The following DEUP1 variants were observed in gnomAD, a reference collection of about 807,000 sequenced individuals.
DEUP1 encodes coiled-coil domain containing 67.
Under a neutral mutation model 87.4 loss-of-function variants are expected in DEUP1, and 82 were observed. The observed-to-expected ratio is 0.94, with a 90% CI of 0.78 to 1.13. DEUP1 has a LOEUF of 1.13. Among genes scored for constraint, DEUP1 ranks in the 50% most tolerant of loss-of-function variants. The pLI is 0.00. For synonymous variants in DEUP1, 214 were observed against 222.7 expected, an observed-to-expected ratio of 0.96 and a Z score of 0.35; for missense variants, 663 against 681.5, an observed-to-expected ratio of 0.97 and a Z score of 0.30.
chr11:93,334,039 T>C lies in DEUP1; in HGVS notation c.29+1751T>C, dbSNP rs372209155. On this transcript the variant is annotated intron_variant, in intron 2 of 13. Transcript: ENST00000298050. ...GAACTTAGAATTTAGTAAGGAACAG[T>C]AGAACTTGTTTGGGTATGGTGTAAT... is the stretch of plus-strand genomic sequence containing the variant. 1.1e-3 allele frequency among the ~76,000 whole-genome samples: 160 copies of C among 152,298 alleles called. 1 individual carries two copies. Among genetic ancestry groups the C allele is most frequent in the Admixed American group, 2.8e-3 (43 of 15,296 alleles).
chr11:93,379,601 A>G (rs1209366768), intron 7 of DEUP1, among the ~76,000 whole-genome samples: 1 of 152,172 alleles, frequency 6.6e-6, no homozygotes, highest in Non-Finnish European at 1.5e-5. Flanking sequence ...GCAGGAAGTA[A>G]GAAGAATCAA....
At chr11:93,405,942 CAT>C (rs1286791271) in intron 11 of DEUP1, among the ~76,000 whole-genome samples, 6 of 151,906 alleles carry the variant, frequency 3.9e-5, no homozygotes, top group African/African-American at 1.4e-4. Flanking sequence ...GTTTTGAAAA[CAT>C]AGAACTATTG....
intron 4 of DEUP1, among the ~76,000 whole-genome samples, chr11:93,362,845 C>T (rs968573552): frequency 6.6e-6 from 1 of 151,748 alleles, no homozygotes; most frequent in Admixed American, 6.6e-5. Context: ...TGTATTTATG[C>T]AATGGAATAT....
At chr11:93,346,948 G>A (rs1027342915) in intron 2 of DEUP1, among the ~76,000 whole-genome samples, 8 of 152,156 alleles carry the variant, frequency 5.3e-5, no homozygotes, top group Non-Finnish European at 1.0e-4. Flanking sequence ...TTTGGGTCAA[G>A]ACTATGGGGT....
intron 13 of DEUP1, among the ~76,000 whole-genome samples, chr11:93,427,366 C>G (rs567129809): frequency 1.3e-5 from 2 of 151,890 alleles, no homozygotes; most frequent in Non-Finnish European, 2.9e-5. Context: ...CAAAAATAAG[C>G]AATGGGGAAA....
intron 11 of DEUP1, among the ~76,000 whole-genome samples, chr11:93,405,490 C>T (rs1947244319): frequency 6.6e-6 from 1 of 151,926 alleles, no homozygotes; most frequent in African/African-American, 2.4e-5. Flanking sequence ...AGCATATAAC[C>T]TTCCCTGTAT....
In DEUP1 at chr11:93,355,491, G is replaced by C; in HGVS notation, c.150G>C (p.Arg50=). 5.0e-6 allele frequency: 8 copies of C among 1,613,724 alleles called. No individual in the cohort carries two copies. The highest frequency in any genetic ancestry group is 6.8e-6 in the Non-Finnish European group (8 of 1,179,786). Residue 50 remains arginine (R), a synonymous_variant, in exon 3 of 14, where the codon CGG becomes CGC. Coordinates refer to ENST00000298050, the MANE Select transcript of DEUP1 (RefSeq NM_181645.4). The stretch of plus-strand genomic sequence containing the variant: ...CTTTGGAGACACGATTAGATCTTCG[G>C]GATCAAGAATTGGCAAATGCACAAA... ...MRALETRLDL[R]DQELANAQTC... is the part of the protein sequence containing the mutation.
chr11:93,352,743 G>A (rs539138880), intron 2 of DEUP1, among the ~76,000 whole-genome samples: 4 of 152,268 alleles, frequency 2.6e-5, no homozygotes, highest in Admixed American at 6.5e-5. Context: ...TGAGGAAGAA[G>A]CAAAAGTGGA....
intron 7 of DEUP1, among the ~76,000 whole-genome samples, chr11:93,381,756 A>G (rs1173547557): frequency 6.6e-6 from 1 of 152,150 alleles, no homozygotes; most frequent in Non-Finnish European, 1.5e-5. Context: ...AGCCACAAAT[A>G]TAATTTAAAT....
At chr11:93,405,976 T>C (rs1253570805) in intron 11 of DEUP1, among the ~76,000 whole-genome samples, 1 of 151,992 alleles carries the variant, frequency 6.6e-6, no homozygotes, top group Non-Finnish European at 1.5e-5. Context: ...GCTACACAAC[T>C]CACGTATATT....
chr11:93,352,306 G>T (rs1292097386), intron 2 of DEUP1: 3 of 700,070 alleles, frequency 4.3e-6, no homozygotes, highest in Non-Finnish European at 7.8e-6. Flanking sequence ...TCCTTAGGCT[G>T]AAGTGTAAGA....
intron 2 of DEUP1, among the ~76,000 whole-genome samples, chr11:93,343,050 T>C (rs1178246951): frequency 6.6e-6 from 1 of 152,206 alleles, no homozygotes; most frequent in Non-Finnish European, 1.5e-5. Flanking sequence ...CAGTGTTGAA[T>C]AGATGGTTGG....
intron 2 of DEUP1, among the ~76,000 whole-genome samples, chr11:93,334,127 C>T (rs1211693133): frequency 6.6e-6 from 1 of 152,158 alleles, no homozygotes; most frequent in African/African-American, 2.4e-5. Flanking sequence ...CCACTCATCA[C>T]AGTAGACATG....
chr11:93,350,826 C>T (rs1263489599), intron 2 of DEUP1, among the ~76,000 whole-genome samples: 5 of 151,718 alleles, frequency 3.3e-5, no homozygotes, highest in African/African-American at 1.2e-4. Context: ...TGTGGTAGCA[C>T]ATGCCTGTAG....
intron 13 of DEUP1, among the ~76,000 whole-genome samples, chr11:93,430,911 C>G (rs561737336): frequency 8.0e-4 from 121 of 152,118 alleles, no homozygotes; most frequent in African/African-American, 2.8e-3. Flanking sequence ...GGCTGGCCAA[C>G]ATGGTGAAGC....
intron 12 of DEUP1, 83 bp downstream of exon 12, chr11:93,408,510 T>C (rs1947346999): frequency 1.1e-6 from 1 of 891,596 alleles, no homozygotes; most frequent in Non-Finnish European, 1.7e-6. Context: ...ATTATAACTT[T>C]ATACGCTTTC....
intron 2 of DEUP1, among the ~76,000 whole-genome samples, chr11:93,347,011 C>A (rs1431204723): frequency 2.6e-5 from 4 of 152,126 alleles, no homozygotes; most frequent in Admixed American, 2.6e-4. Flanking sequence ...GACTTCCTCT[C>A]TTCCTATTTG....
chr11:93,389,638 T>C (rs960252550), intron 9 of DEUP1, among the ~76,000 whole-genome samples: 3 of 152,178 alleles, frequency 2.0e-5, no homozygotes, highest in Non-Finnish European at 4.4e-5. Flanking sequence ...AAATAGGTCT[T>C]AATATTACCC....
At chr11:93,352,756 C>A (rs576388576) in intron 2 of DEUP1, among the ~76,000 whole-genome samples, 5 of 152,118 alleles carry the variant, frequency 3.3e-5, no homozygotes, top group Admixed American at 1.3e-4. Flanking sequence ...AAAGTGGAAA[C>A]CCCTGATAAA....
Sources: allele counts gnomAD v4.1 joint callset (sites outside exome capture counted in the v4.1 genomes callset), GRCh38; gene constraint gnomAD v4.1.1; transcripts MANE v1.5; gene names NCBI Gene and HGNC (gene_info 2026-07-23, HGNC 2026-07-21).